The following CNTNAP5 variants were observed in gnomAD, a reference collection of about 807,000 sequenced individuals.
The protein encoded by CNTNAP5 is contactin associated protein family member 5.
A neutral mutation model predicts 150.2 loss-of-function variants in CNTNAP5; 72 were observed. That is an observed-to-expected ratio of 0.48 (90% CI 0.40 to 0.58). The LOEUF (loss-of-function observed/expected upper bound fraction) is 0.58. Among genes scored for constraint, CNTNAP5 ranks in the 20% least tolerant of loss-of-function variants. CNTNAP5 has a pLI of 0.00. For synonymous variants in CNTNAP5, 672 were observed against 619.8 expected (o/e 1.08, Z -1.25); for missense variants, 1,636 against 1,626.2 (o/e 1.01, Z -0.10).
At chr2:124,077,770 A>C (rs1682472282) in intron 1 of CNTNAP5, among the ~76,000 whole-genome samples, 1 of 152,230 alleles carries the variant, frequency 6.6e-6, no homozygotes, top group African/African-American at 2.4e-5. Flanking sequence ...AAGTAGGTAG[A>C]ATCAGGCAAG....
intron 10 of CNTNAP5, among the ~76,000 whole-genome samples, chr2:124,530,827 C>A (rs551055956): frequency 1.3e-5 from 2 of 152,194 alleles, no homozygotes; most frequent in East Asian, 3.9e-4. Context: ...AAACCACCAG[C>A]CTCATAATCT....
At chr2:124,354,143 A>G (rs1689940157) in intron 3 of CNTNAP5, among the ~76,000 whole-genome samples, 1 of 152,244 alleles carries the variant, frequency 6.6e-6, no homozygotes, top group Non-Finnish European at 1.5e-5. Context: ...AAAAACATGG[A>G]TTAAATTCCA....
At chr2:124,289,725 G>C (rs1335474600) in intron 3 of CNTNAP5, among the ~76,000 whole-genome samples, 7 of 152,146 alleles carry the variant, frequency 4.6e-5, no homozygotes, top group Non-Finnish European at 8.8e-5. Context: ...CCGAGAGCTG[G>C]ACAGATTAAA....
intron 14 of CNTNAP5, among the ~76,000 whole-genome samples, chr2:124,761,904 G>C (rs909028081): frequency 1.3e-5 from 2 of 152,112 alleles, no homozygotes; most frequent in Non-Finnish European, 2.9e-5. Context: ...TTGTGGAAAA[G>C]ATGCCAGAAT....
Position 124,724,144 on chromosome 2 carries a change from AAATAAT to A in CNTNAP5, c.2078-23057_2078-23052del, listed in dbSNP as rs60984074. 2.4e-3 allele frequency among the ~76,000 whole-genome samples: 353 copies of A among 145,724 alleles called. 3 individuals carry two copies. Among genetic ancestry groups the A allele is most frequent in the East Asian group, 0.023 (112 of 4,964 alleles). Reference sequence around the variant, plus strand: ...TGGTGACAGAGGGAGACTCCATCTCAAATAATAATAATAATAATAATAATAATAATA... The same window carrying A: ...TGGTGACAGAGGGAGACTCCATCTCAAATAATAATAATAATAATAATAATA... On this transcript the variant is annotated intron_variant, in intron 13 of 23. Transcript: ENST00000682447.
At chr2:124,549,516 G>T (rs538024290) in intron 10 of CNTNAP5, among the ~76,000 whole-genome samples, 1 of 152,258 alleles carries the variant, frequency 6.6e-6, no homozygotes, top group East Asian at 1.9e-4. Context: ...CTTTGATCCA[G>T]GGGGAGGAGT....
At chr2:124,230,612 A>G (rs923524554) in intron 2 of CNTNAP5, among the ~76,000 whole-genome samples, 2 of 151,380 alleles carry the variant, frequency 1.3e-5, no homozygotes, top group African/African-American at 4.9e-5. Flanking sequence ...GCTCACTGCA[A>G]CCTCTGCCTC....
chr2:124,472,096 TA>T lies in CNTNAP5; in HGVS notation c.919-2642del, dbSNP rs1019878910. Among the ~76,000 whole-genome samples, 53 of 151,964 alleles carry T rather than the reference TA, an allele frequency of 3.5e-4. 2 individuals carry two copies. Among genetic ancestry groups the T allele is most frequent in the African/African-American group, 1.2e-3 (48 of 41,398 alleles). Reference sequence around the variant, plus strand: ...ATCTAAATGCTTGACAAAAGAAAACTAGAGCTCAAACTAATTTATTACTTAA... The same window carrying T: ...ATCTAAATGCTTGACAAAAGAAAACTGAGCTCAAACTAATTTATTACTTAA... On this transcript the variant is annotated intron_variant, in intron 6 of 23. Transcript: ENST00000682447.
chr2:124,859,453 T>C (rs1241429714), intron 19 of CNTNAP5, among the ~76,000 whole-genome samples: 2 of 152,218 alleles, frequency 1.3e-5, no homozygotes, highest in Non-Finnish European at 2.9e-5. Context: ...ACTTTTACAC[T>C]GTTGGTGGGA....
intron 20 of CNTNAP5, 121 bp from the exon 21 acceptor site, chr2:124,869,554 A>C: frequency 1.6e-6 from 1 of 639,624 alleles, no homozygotes; most frequent in Non-Finnish European, 2.8e-6. Context: ...CCTGAGAGAA[A>C]ATCTCAGAGG....
intron 21 of CNTNAP5, among the ~76,000 whole-genome samples, chr2:124,895,919 G>A (rs1468090288): frequency 6.6e-6 from 1 of 151,556 alleles, no homozygotes; most frequent in African/African-American, 2.4e-5. Context: ...TACAATGCTT[G>A]GGGGAAGGCC....
intron 1 of CNTNAP5, among the ~76,000 whole-genome samples, chr2:124,200,056 A>G (rs575110305): frequency 1.1e-4 from 17 of 152,180 alleles, no homozygotes; most frequent in African/African-American, 7.2e-5. Flanking sequence ...TCGTGATTCT[A>G]AAACAATCTT....
At chr2:124,691,771 T>C (rs2105079955) in intron 13 of CNTNAP5, among the ~76,000 whole-genome samples, 1 of 152,144 alleles carries the variant, frequency 6.6e-6, no homozygotes, top group East Asian at 1.9e-4. Flanking sequence ...CACACACTAT[T>C]GTACTAGATA....
intron 1 of CNTNAP5, among the ~76,000 whole-genome samples, chr2:124,186,531 G>A (rs17011040): frequency 2.0e-5 from 3 of 151,928 alleles, no homozygotes; most frequent in Non-Finnish European, 2.9e-5. Context: ...TAGTATCAAC[G>A]TATCTTTCCC....
At chr2:124,210,645 A>AT (rs1685983078) in intron 1 of CNTNAP5, among the ~76,000 whole-genome samples, 1 of 152,108 alleles carries the variant, frequency 6.6e-6, no homozygotes, top group Admixed American at 6.5e-5. Context: ...CACCCAAGAC[A>AT]TTTTTCCATA....
chr2:124,137,911 G>A (rs906774733), intron 1 of CNTNAP5, among the ~76,000 whole-genome samples: 1 of 152,126 alleles, frequency 6.6e-6, no homozygotes, highest in Non-Finnish European at 1.5e-5. Context: ...GAAAAGCCAA[G>A]GAGATGCCCT....
intron 3 of CNTNAP5, among the ~76,000 whole-genome samples, chr2:124,299,507 A>T: frequency 6.6e-6 from 1 of 152,190 alleles, no homozygotes; most frequent in Non-Finnish European, 1.5e-5. Context: ...GTCTCTGCAA[A>T]GGACATGATC....
chr2:124,478,679 C>A (rs1434562617), intron 7 of CNTNAP5, among the ~76,000 whole-genome samples: 3 of 152,118 alleles, frequency 2.0e-5, no homozygotes, highest in Non-Finnish European at 2.9e-5. Context: ...ATATCTGCTA[C>A]AAAATCAGCT....
intron 21 of CNTNAP5, among the ~76,000 whole-genome samples, chr2:124,883,436 T>C (rs754434116): frequency 6.6e-6 from 1 of 151,958 alleles, no homozygotes; most frequent in South Asian, 2.1e-4. Context: ...AGGTGGGAGA[T>C]AGGGGCTTTG....
Sources: gnomAD v4.1 joint callset for allele counts (sites outside exome capture counted in the v4.1 genomes callset) on GRCh38, gnomAD v4.1.1 for gene constraint, MANE v1.5 for transcripts, NCBI Gene and HGNC (gene_info 2026-07-23, HGNC 2026-07-21) for gene names.